Variants in MIPOL1 observed in about 807,000 individuals in gnomAD.
MIPOL1 encodes mirror-image polydactyly 1.
A neutral mutation model predicts 60.9 loss-of-function variants in MIPOL1; 57 were observed. That is an observed-to-expected ratio of 0.94 (90% CI 0.76 to 1.17). The LOEUF is 1.17. Among genes scored for constraint, MIPOL1 ranks in the 50% most tolerant of loss-of-function variants. The pLI is 0.00. For synonymous variants in MIPOL1, 179 were observed against 168.8 expected, an observed-to-expected ratio of 1.06 and a Z score of -0.47; for missense variants, 551 against 511.6, an observed-to-expected ratio of 1.08 and a Z score of -0.74.
At chr14:37,524,556 TTTC>T (rs1356109466) in intron 12 of MIPOL1, among the ~76,000 whole-genome samples, 22 of 70,746 alleles carry the variant, frequency 3.1e-4, no homozygotes, top group East Asian at 6.7e-4. Context: ...CATCTTAATT[TTTC>T]TTTTTCTTTT....
intron 11 of MIPOL1, among the ~76,000 whole-genome samples, chr14:37,485,998 G>T (rs1323608665): frequency 1.3e-5 from 2 of 151,968 alleles, no homozygotes; most frequent in Non-Finnish European, 1.5e-5. Context: ...CATCTTAAGT[G>T]AATTTTTGTA....
rs188386793 is a variant in MIPOL1 at position 37,535,689 on chromosome 14, T to C, written c.1263-11216T>C. Among the ~76,000 whole-genome samples, 14 of 152,312 alleles carry C rather than the reference T, an allele frequency of 9.2e-5. No homozygotes were observed. The East Asian group carries it at 2.5e-3, about 27-fold the overall frequency. ...GACTTCATATGATATATATCTACAGTAGAAACACCTAAAAGGCTGTGTAGA... is the reference window on the plus strand; with the variant it reads ...GACTTCATATGATATATATCTACAGCAGAAACACCTAAAAGGCTGTGTAGA... On this transcript the variant is annotated intron_variant, in intron 12 of 12. Coordinates refer to ENST00000684589, the MANE Select transcript of MIPOL1 (RefSeq NM_001388067.1).
intron 10 of MIPOL1, among the ~76,000 whole-genome samples, chr14:37,373,566 G>T (rs2092698658): frequency 6.6e-6 from 1 of 151,710 alleles, no homozygotes; most frequent in African/African-American, 2.4e-5. Flanking sequence ...GCCCCCACGT[G>T]TGATGGTCCC....
At chr14:37,478,662 T>C (rs2094814785) in intron 11 of MIPOL1, among the ~76,000 whole-genome samples, 1 of 152,106 alleles carries the variant, frequency 6.6e-6, no homozygotes, top group Non-Finnish European at 1.5e-5. Flanking sequence ...ATATGCTATC[T>C]ACAAGAGACT....
intron 7 of MIPOL1, among the ~76,000 whole-genome samples, chr14:37,302,568 G>T (rs1230914114): frequency 6.7e-6 from 1 of 149,370 alleles, no homozygotes; most frequent in Admixed American, 6.7e-5. Flanking sequence ...GAGTCTCTTA[G>T]TGTGTTTGGC....
intron 11 of MIPOL1, among the ~76,000 whole-genome samples, chr14:37,429,787 C>A (rs1405553464): frequency 1.3e-5 from 2 of 151,950 alleles, no homozygotes; most frequent in Non-Finnish European, 2.9e-5. Context: ...TATATACTGT[C>A]CTTAACAGTC....
At chr14:37,316,938 A>G (rs904737218) in intron 9 of MIPOL1, among the ~76,000 whole-genome samples, 3 of 152,090 alleles carry the variant, frequency 2.0e-5, no homozygotes, top group Admixed American at 6.5e-5. Flanking sequence ...AGATTGTGTC[A>G]TTGCACTCCA....
chr14:37,485,048 G>A (rs937351261), intron 11 of MIPOL1, among the ~76,000 whole-genome samples: 2 of 152,052 alleles, frequency 1.3e-5, no homozygotes, highest in Non-Finnish European at 1.5e-5. Context: ...CTGTGTCCAT[G>A]TGTTCTCATT....
chr14:37,540,460 TG>T (rs2095525271), intron 12 of MIPOL1, among the ~76,000 whole-genome samples: 1 of 152,328 alleles, frequency 6.6e-6, no homozygotes, highest in East Asian at 1.9e-4. Flanking sequence ...TATCTATCTG[TG>T]TGCATTATAG....
chr14:37,503,359 A>G (rs1327097969), intron 12 of MIPOL1: 3 of 152,208 alleles, frequency 2.0e-5, no homozygotes, highest in African/African-American at 7.2e-5. Context: ...AAGGGTAGCC[A>G]GGAAGGTCGG....
chr14:37,285,271 G>T, intron 6 of MIPOL1, 47 bp from the exon 7 acceptor site: 1 of 1,606,902 alleles, frequency 6.2e-7, no homozygotes, highest in South Asian at 1.1e-5. Flanking sequence ...GTATACATTT[G>T]TCCTTTATTT....
intron 1 of MIPOL1, among the ~76,000 whole-genome samples, chr14:37,202,613 G>A (rs1464684904): frequency 6.6e-6 from 1 of 152,174 alleles, no homozygotes; most frequent in Non-Finnish European, 1.5e-5. Context: ...GACTTCATAA[G>A]GGAGCAAATA....
At chr14:37,510,053 T>A (rs907165096) in intron 12 of MIPOL1, among the ~76,000 whole-genome samples, 1 of 151,884 alleles carries the variant, frequency 6.6e-6, no homozygotes, top group African/African-American at 2.4e-5. Flanking sequence ...TTCATCTTTG[T>A]ATAGTCTGTA....
At chr14:37,228,171 C>G (rs184876190) in intron 1 of MIPOL1, among the ~76,000 whole-genome samples, 142 of 152,210 alleles carry the variant, frequency 9.3e-4, no homozygotes, top group Middle Eastern at 6.8e-3. Context: ...GACTTAAGAA[C>G]CATACACATT....
At chr14:37,499,040 G>A (rs2095174727) in intron 11 of MIPOL1, among the ~76,000 whole-genome samples, 2 of 152,016 alleles carry the variant, frequency 1.3e-5, no homozygotes, top group Middle Eastern at 6.8e-3. Flanking sequence ...TCCTTTGTAT[G>A]CATATACTGA....
intron 12 of MIPOL1, among the ~76,000 whole-genome samples, chr14:37,543,475 C>T (rs946281641): frequency 5.9e-5 from 9 of 152,174 alleles, no homozygotes; most frequent in East Asian, 1.9e-4. Context: ...CAGGGTCTCA[C>T]CATGTTGGCC....
At chr14:37,511,613 C>G (rs1393417129) in intron 12 of MIPOL1, among the ~76,000 whole-genome samples, 1 of 152,170 alleles carries the variant, frequency 6.6e-6, no homozygotes, top group South Asian at 2.1e-4. Context: ...TCGTTTCCAT[C>G]TACAAGTATG....
chr14:37,298,847 G>A (rs1231447168), intron 7 of MIPOL1, among the ~76,000 whole-genome samples: 1 of 150,502 alleles, frequency 6.6e-6, no homozygotes, highest in Non-Finnish European at 1.5e-5. Context: ...TACACTGTTG[G>A]TGGGACTGTA....
At chr14:37,248,029 C>A in intron 3 of MIPOL1, 122 bp downstream of exon 3, 1 of 862,770 alleles carries the variant, frequency 1.2e-6, no homozygotes, top group Admixed American at 2.4e-5. Flanking sequence ...CACACACACA[C>A]ACAAAACATG....
Sources: gnomAD v4.1 joint callset for allele counts (sites outside exome capture counted in the v4.1 genomes callset) on GRCh38, gnomAD v4.1.1 for gene constraint, MANE v1.5 for transcripts, NCBI Gene and HGNC (gene_info 2026-07-23, HGNC 2026-07-21) for gene names.